The following UBR3 variants were observed in gnomAD, a reference collection of about 807,000 sequenced individuals.
UBR3 encodes E3 ubiquitin-protein ligase UBR3.
UBR3 carries 85 observed loss-of-function variants against 243.2 expected under a neutral mutation model. The ratio of observed to expected loss-of-function variants is 0.35; its 90% CI spans 0.29 to 0.42. The LOEUF (loss-of-function observed/expected upper bound fraction) is 0.42. Among genes scored for constraint, UBR3 ranks in the 10% least tolerant of loss-of-function variants. The pLI is 1.00. For synonymous variants in UBR3, 748 were observed against 799.8 expected (o/e 0.94, Z 1.09); for missense variants, 1,686 against 2,300.8 (o/e 0.73, Z 5.47).
intron 25 of UBR3, among the ~76,000 whole-genome samples, chr2:169,993,697 T>A (rs1392744566): frequency 1.3e-5 from 2 of 152,248 alleles, no homozygotes; most frequent in African/African-American, 4.8e-5. Flanking sequence ...GGTAAGGTAG[T>A]AGGTAATCTA....
chr2:169,936,368 A>G lies in UBR3; in HGVS notation c.2663+3360A>G, dbSNP rs143513741. The stretch of plus-strand genomic sequence containing the variant: ...ACCACCGTGCCTGGCCCAGAAACCA[A>G]TTTTTTTAAATGCAAAGTTAATTTT... On this transcript the variant is annotated intron_variant, in intron 19 of 38. Coordinates refer to ENST00000272793, the MANE Select transcript of UBR3 (RefSeq NM_172070.4). Among the ~76,000 whole-genome samples the G allele has an allele frequency of 1.4e-4, 22 of 152,156 alleles. No individual in the cohort carries two copies. The East Asian group carries it at 3.3e-3, about 23-fold the overall frequency.
chr2:169,922,541 A>G (rs1277630670), intron 11 of UBR3, among the ~76,000 whole-genome samples: 19 of 152,118 alleles, frequency 1.2e-4, no homozygotes, highest in Non-Finnish European at 2.8e-4. Flanking sequence ...TCGTGCAGCC[A>G]ATCTCCATAA....
At chr2:170,034,997 G>A (rs2090786551) in intron 31 of UBR3, among the ~76,000 whole-genome samples, 1 of 151,792 alleles carries the variant, frequency 6.6e-6, no homozygotes, top group Admixed American at 6.6e-5. Context: ...TAATGCCGTG[G>A]TACCATTTTT....
chr2:169,934,657 T>C (rs1452681365), intron 19 of UBR3, among the ~76,000 whole-genome samples: 1 of 152,224 alleles, frequency 6.6e-6, no homozygotes, highest in Non-Finnish European at 1.5e-5. Flanking sequence ...GAGGTCATCT[T>C]GCAAACTAAA....
Position 169,914,165 on chromosome 2 carries a change from T to G in UBR3, c.1866+19T>G, listed in dbSNP as rs1379282694. 2 of 1,411,376 alleles carry G rather than the reference T, an allele frequency of 1.4e-6. No homozygotes were observed. Among genetic ancestry groups the G allele is most frequent in the Non-Finnish European group, 1.9e-6 (2 of 1,061,694 alleles). The allele number at this position is 1,411,376 out of a possible 1,614,324, so 87.4% of individuals were successfully genotyped here. A position where few individuals can be genotyped will look rare whatever the true frequency, so the allele number is the denominator to read the frequency against. ...AGACGAGGTATGTATATTTTTGATG[T>G]ATGTAAATTTTTTGATGTATGTAAA... On this transcript the variant is annotated intron_variant, in intron 11 of 38. Coordinates refer to ENST00000272793, the MANE Select transcript of UBR3 (RefSeq NM_172070.4).
chr2:169,920,227 A>T (rs960010090), intron 11 of UBR3, among the ~76,000 whole-genome samples: 7 of 152,154 alleles, frequency 4.6e-5, no homozygotes, highest in Non-Finnish European at 1.0e-4. Flanking sequence ...CAAAAAACCA[A>T]ACACCGCATG....
chr2:169,925,039 A>T (rs550089834), intron 13 of UBR3, among the ~76,000 whole-genome samples: 1 of 152,220 alleles, frequency 6.6e-6, no homozygotes, highest in Non-Finnish European at 1.5e-5. Context: ...TTTCAAAAAA[A>T]ACAAAAAAAA....
Position 170,081,861 on chromosome 2 carries a change from G to A in UBR3, c.*18G>A. ...GGCTGTGACTCTCCACCTCAGCATT[G>A]CATCGTATCATCATTTTCGCTACGA... On this transcript the variant is annotated 3_prime_UTR_variant, in exon 39 of 39. Transcript: ENST00000272793. 1.4e-6 allele frequency: 2 copies of A among 1,460,746 alleles called. No individual in the cohort carries two copies. The highest frequency in any genetic ancestry group is 1.9e-6 in the Non-Finnish European group (2 of 1,075,212). 90.5% of individuals were successfully genotyped at this position (1,460,746 alleles called of 1,614,324 possible).
chr2:170,029,588 T>C lies in UBR3; in HGVS notation c.4556+140T>C. 5 of 651,316 alleles carry C rather than the reference T, an allele frequency of 7.7e-6. No individual in the cohort carries two copies. The South Asian group carries it at 1.2e-4, about 15-fold the overall frequency. The allele number at this position is 651,316 out of a possible 1,614,324, so 40.3% of individuals were successfully genotyped here. A position where few individuals can be genotyped will look rare whatever the true frequency, so the allele number is the denominator to read the frequency against. On this transcript the variant is annotated intron_variant, in intron 31 of 38. Coordinates refer to ENST00000272793, the MANE Select transcript of UBR3 (RefSeq NM_172070.4). ...AAGCACAGAAATATATCATAAGAAT[T>C]GAAAACAGTTTACCATTATGCTGTC... is the stretch of plus-strand genomic sequence containing the variant.
intron 30 of UBR3, among the ~76,000 whole-genome samples, chr2:170,022,510 G>C (rs2090418094): frequency 6.6e-6 from 1 of 152,126 alleles, no homozygotes; most frequent in Non-Finnish European, 1.5e-5. Flanking sequence ...GGAACACCGG[G>C]TTGGAGTTTG....
At chr2:170,038,146 A>G (rs1053512291) in intron 31 of UBR3, among the ~76,000 whole-genome samples, 2 of 152,154 alleles carry the variant, frequency 1.3e-5, no homozygotes, top group African/African-American at 2.4e-5. Context: ...TCTTTTCTAT[A>G]CCTAAAAGCT....
At chr2:170,080,252 C>T in intron 37 of UBR3, 1 of 580,602 alleles carries the variant, frequency 1.7e-6, no homozygotes, top group Non-Finnish European at 3.0e-6. Context: ...CATCTACTAT[C>T]CCTTTAATGG....
intron 31 of UBR3, among the ~76,000 whole-genome samples, chr2:170,039,431 T>C (rs1201617504): frequency 6.6e-6 from 1 of 152,084 alleles, no homozygotes; most frequent in African/African-American, 2.4e-5. Flanking sequence ...TAGATAAACT[T>C]GAAAGACCGT....
chr2:169,870,067 A>G (rs1325094223), intron 1 of UBR3, among the ~76,000 whole-genome samples: 2 of 152,154 alleles, frequency 1.3e-5, no homozygotes, highest in African/African-American at 4.8e-5. Flanking sequence ...GTAGGAAAAT[A>G]GTTAATTATC....
At chr2:169,956,425 C>T (rs1350042538) in intron 23 of UBR3, among the ~76,000 whole-genome samples, 1 of 151,872 alleles carries the variant, frequency 6.6e-6, no homozygotes, top group African/African-American at 2.4e-5. Context: ...TGTGCTAGGA[C>T]ATGTTCAGAA....
chr2:169,992,270 A>T (rs1462014144), intron 25 of UBR3, among the ~76,000 whole-genome samples: 2 of 152,204 alleles, frequency 1.3e-5, no homozygotes, highest in African/African-American at 4.8e-5. Context: ...AATTTTTAAA[A>T]ATCTGACAGT....
intron 8 of UBR3, among the ~76,000 whole-genome samples, chr2:169,904,588 T>G (rs887194945): frequency 1.3e-5 from 2 of 152,154 alleles, no homozygotes; most frequent in African/African-American, 4.8e-5. Flanking sequence ...TTCTTTTTTT[T>G]AAATGTGTGT....
intron 28 of UBR3, among the ~76,000 whole-genome samples, chr2:170,008,471 AAGTC>A (rs1445292969): frequency 6.6e-6 from 1 of 152,194 alleles, no homozygotes. Context: ...ACTTAAATGA[AAGTC>A]AGGTTTTTTA....
chr2:169,854,656 T>TG lies in UBR3; in HGVS notation c.546-17578dup, dbSNP rs2082775436. On this transcript the variant is annotated intron_variant, in intron 1 of 38. Transcript: ENST00000272793. ...TACAGTTTAAAGAATTTCAGTACAA[T>TG]GGACATTCATGTACCACTATCCACC... Among the ~76,000 whole-genome samples the TG allele has an allele frequency of 3.3e-5, 5 of 152,294 alleles. No homozygotes were observed. The South Asian group carries it at 1.0e-3, about 32-fold the overall frequency.
Sources: allele counts gnomAD v4.1 joint callset (sites outside exome capture counted in the v4.1 genomes callset), GRCh38; gene constraint gnomAD v4.1.1; transcripts MANE v1.5; gene names NCBI Gene and HGNC (gene_info 2026-07-23, HGNC 2026-07-21).